Variants in MTUS2 observed in about 807,000 individuals in gnomAD.
MTUS2 encodes the protein microtubule-associated tumor suppressor candidate 2.
A neutral mutation model predicts 114.1 loss-of-function variants in MTUS2; 40 were observed. The observed-to-expected ratio is 0.35, with a 90% CI of 0.27 to 0.46. The LOEUF is 0.46. MTUS2 is among the 20% of genes least tolerant of loss of function. The pLI is 1.00. For missense variants in MTUS2, 1,679 were observed against 1,705.4 expected (o/e 0.98, Z 0.27); for synonymous variants, 688 against 672.0 (o/e 1.02, Z -0.37).
At chr13:29,149,594 C>T (rs1892584620) in intron 5 of MTUS2, among the ~76,000 whole-genome samples, 1 of 152,110 alleles carries the variant, frequency 6.6e-6, no homozygotes, top group South Asian at 2.1e-4. Flanking sequence ...AATCTTTGCC[C>T]ATGCCTATGT....
At chr13:29,242,922 G>A (rs1217757097) in intron 5 of MTUS2, among the ~76,000 whole-genome samples, 1 of 152,200 alleles carries the variant, frequency 6.6e-6, no homozygotes, top group African/African-American at 2.4e-5. Context: ...ACTAGCCCAA[G>A]TAACTTCCAC....
chr13:28,921,633 T>A (rs1881047012), intron 2 of MTUS2, among the ~76,000 whole-genome samples: 1 of 152,138 alleles, frequency 6.6e-6, no homozygotes, highest in South Asian at 2.1e-4. Flanking sequence ...CTAGACTGCC[T>A]TTCAAGTTCA....
At chr13:29,362,460 T>G (rs1870340005) in intron 8 of MTUS2, among the ~76,000 whole-genome samples, 2 of 151,996 alleles carry the variant, frequency 1.3e-5, no homozygotes, top group East Asian at 1.9e-4. Context: ...AGAAAATAAT[T>G]TTCAGTGGCC....
At chr13:28,902,618 G>A (rs1027076647) in intron 2 of MTUS2, among the ~76,000 whole-genome samples, 1 of 151,982 alleles carries the variant, frequency 6.6e-6, no homozygotes, top group Non-Finnish European at 1.5e-5. Flanking sequence ...TATATATAGT[G>A]GATTACATTG....
intron 5 of MTUS2, among the ~76,000 whole-genome samples, chr13:29,191,345 T>C (rs1320427856): frequency 6.6e-6 from 1 of 152,032 alleles, no homozygotes; most frequent in African/African-American, 2.4e-5. Context: ...ACAGGGAAAC[T>C]GATACAGGAG....
chr13:28,827,628 T>C (rs1566161151), intron 1 of MTUS2, among the ~76,000 whole-genome samples: 1 of 152,204 alleles, frequency 6.6e-6, no homozygotes, highest in Non-Finnish European at 1.5e-5. Flanking sequence ...ACGTGGGTCC[T>C]TTTCTATTTT....
intron 5 of MTUS2, among the ~76,000 whole-genome samples, chr13:29,109,691 T>C (rs1890807237): frequency 1.3e-5 from 2 of 152,228 alleles, no homozygotes; most frequent in South Asian, 4.1e-4. Flanking sequence ...AATTAATATC[T>C]GCAAAGTACT....
intron 5 of MTUS2, among the ~76,000 whole-genome samples, chr13:29,204,001 C>A (rs1159614669): frequency 6.6e-6 from 1 of 151,992 alleles, no homozygotes; most frequent in Admixed American, 6.5e-5. Context: ...GCTCGGTCAC[C>A]CAGGCTGGAG....
chr13:29,351,095 T>TC (rs35517738), intron 7 of MTUS2, among the ~76,000 whole-genome samples: 5 of 151,662 alleles, frequency 3.3e-5, no homozygotes, highest in African/African-American at 1.2e-4. Context: ...GGATTTCAAG[T>TC]CCTAAAGGAT....
chr13:28,909,083 G>A (rs1566215510), intron 2 of MTUS2, among the ~76,000 whole-genome samples: 2 of 151,510 alleles, frequency 1.3e-5, no homozygotes, highest in Non-Finnish European at 2.9e-5. Context: ...TGCTGTTTTG[G>A]TTACTGTAGC....
chr13:29,211,438 C>G (rs1895432825), intron 5 of MTUS2, among the ~76,000 whole-genome samples: 2 of 152,302 alleles, frequency 1.3e-5, no homozygotes, highest in East Asian at 3.8e-4. Context: ...GTGCGCCTAT[C>G]TGTACTCCCA....
chr13:29,229,739 GTTA>G (rs779899952), intron 5 of MTUS2, among the ~76,000 whole-genome samples: 3 of 152,154 alleles, frequency 2.0e-5, no homozygotes, highest in Non-Finnish European at 2.9e-5. Flanking sequence ...ACTCTTTCCT[GTTA>G]TTATAGGAAA....
chr13:28,990,520 T>C (rs9508211), intron 2 of MTUS2, among the ~76,000 whole-genome samples: 1 of 143,542 alleles, frequency 7.0e-6, no homozygotes, highest in South Asian at 2.2e-4. Context: ...TCTGTAAAAA[T>C]GTACCAATCA....
chr13:29,214,634 G>C (rs4418907), intron 5 of MTUS2, among the ~76,000 whole-genome samples: 12,648 of 152,172 alleles, frequency 0.083, 683 homozygotes, highest in African/African-American at 0.14. Context: ...AGTTTGCCTG[G>C]ATATGAAATT....
chr13:29,050,171 CA>C (rs1009584969), intron 4 of MTUS2, among the ~76,000 whole-genome samples: 44 of 152,194 alleles, frequency 2.9e-4, no homozygotes, highest in African/African-American at 1.0e-3. Flanking sequence ...CTAGGAAACC[CA>C]AAAAGTGTTT....
intron 12 of MTUS2, 67 bp downstream of exon 12, chr13:29,492,786 A>G (rs1227369628): frequency 1.0e-5 from 13 of 1,262,980 alleles, no homozygotes; most frequent in Non-Finnish European, 1.5e-5. Context: ...CCCACCCACA[A>G]ACATTCATTC....
chr13:29,251,653 T>C (rs1897129438), intron 5 of MTUS2, among the ~76,000 whole-genome samples: 2 of 152,192 alleles, frequency 1.3e-5, no homozygotes, highest in African/African-American at 4.8e-5. Context: ...TTTTCTCATC[T>C]CTATGAATTT....
intron 8 of MTUS2, among the ~76,000 whole-genome samples, chr13:29,380,589 G>A (rs1041803359): frequency 6.6e-6 from 1 of 152,196 alleles, no homozygotes; most frequent in Admixed American, 6.5e-5. Flanking sequence ...GAGGAGATGG[G>A]TTCATGGGTC....
chr13:29,291,430 A>G (rs1232222035), intron 6 of MTUS2, among the ~76,000 whole-genome samples: 1 of 152,222 alleles, frequency 6.6e-6, no homozygotes, highest in Non-Finnish European at 1.5e-5. Context: ...ACATTTTTGC[A>G]TCATTGACTC....
Sources: allele counts gnomAD v4.1 joint callset (sites outside exome capture counted in the v4.1 genomes callset), GRCh38; gene constraint gnomAD v4.1.1; transcripts MANE v1.5; gene names NCBI Gene and HGNC (gene_info 2026-07-23, HGNC 2026-07-21).